The following PCDH15 variants were observed in gnomAD, a reference collection of about 807,000 sequenced individuals.
The protein encoded by PCDH15 is protocadherin related 15, also known as protocadherin-15.
PCDH15 carries 129 observed loss-of-function variants against 178.5 expected under a neutral mutation model. That is an observed-to-expected ratio of 0.72 (90% CI 0.63 to 0.84). The LOEUF is 0.84. Ranked by LOEUF, PCDH15 falls within the 40% of genes least tolerant of loss-of-function variation. The pLI is 0.00. For synonymous variants in PCDH15, 800 were observed against 732.0 expected, an observed-to-expected ratio of 1.09 and a Z score of -1.50; for missense variants, 2,230 against 2,099.9, an observed-to-expected ratio of 1.06 and a Z score of -1.21.
intron 2 of PCDH15, among the ~76,000 whole-genome samples, chr10:55,159,199 A>G (rs1166061539): frequency 6.6e-6 from 1 of 151,726 alleles, no homozygotes; most frequent in Admixed American, 6.6e-5. Context: ...ACCACTCATA[A>G]AAAAAATTAA....
chr10:54,600,010 G>A, intron 2 of PCDH15: 4 of 1,347,482 alleles, frequency 3.0e-6, no homozygotes, highest in African/African-American at 1.5e-5. Context: ...AAAGGAAGAG[G>A]CAAAGTCAAA....
intron 2 of PCDH15, among the ~76,000 whole-genome samples, chr10:54,557,536 T>C (rs2087462625): frequency 6.6e-6 from 1 of 152,188 alleles, no homozygotes; most frequent in South Asian, 2.1e-4. Flanking sequence ...TTTTCTCCTG[T>C]CTTTAAATCA....
chr10:54,253,127 G>C (rs2056628267), intron 8 of PCDH15, among the ~76,000 whole-genome samples: 1 of 151,990 alleles, frequency 6.6e-6, no homozygotes, highest in Admixed American at 6.6e-5. Flanking sequence ...ATTGAGGATT[G>C]GGTTTACTAG....
intron 3 of PCDH15, among the ~76,000 whole-genome samples, chr10:54,391,963 T>C (rs1332876974): frequency 3.9e-5 from 6 of 152,136 alleles, no homozygotes; most frequent in Non-Finnish European, 8.8e-5. Context: ...GCTTAAGTGA[T>C]TGGCTTAGGA....
intron 18 of PCDH15, among the ~76,000 whole-genome samples, chr10:54,065,089 G>T (rs891537847): frequency 6.6e-6 from 1 of 152,188 alleles, no homozygotes; most frequent in East Asian, 1.9e-4. Flanking sequence ...CCTTCTATCA[G>T]ATTATGCTGA....
At chr10:55,218,164 T>G (rs1332075048) in intron 1 of PCDH15, among the ~76,000 whole-genome samples, 1 of 151,914 alleles carries the variant, frequency 6.6e-6, no homozygotes, top group Non-Finnish European at 1.5e-5. Flanking sequence ...CATGAGAAAG[T>G]GAAAGCTCAG....
chr10:54,888,943 C>T (rs1564605767), intron 3 of PCDH15, among the ~76,000 whole-genome samples: 1 of 151,478 alleles, frequency 6.6e-6, no homozygotes, highest in Non-Finnish European at 1.5e-5. Flanking sequence ...TGTGAGAATA[C>T]AATTAGAAAT....
intron 2 of PCDH15, chr10:55,512,841 C>T (rs528414541): frequency 6.6e-6 from 1 of 152,176 alleles, no homozygotes; most frequent in African/African-American, 2.4e-5. Flanking sequence ...ATTTCTTCCT[C>T]CTCTACAGGA....
intron 3 of PCDH15, among the ~76,000 whole-genome samples, chr10:54,874,497 G>A (rs185722037): frequency 4.0e-3 from 606 of 152,078 alleles, no homozygotes; most frequent in Middle Eastern, 6.8e-3. Context: ...GGACATAGGC[G>A]TGGGCAAGGA....
chr10:53,936,166 A>C (rs2085554571), intron 25 of PCDH15, among the ~76,000 whole-genome samples: 1 of 152,186 alleles, frequency 6.6e-6, no homozygotes. Flanking sequence ...TGAATAAAAG[A>C]GCGTAGTGGT....
intron 18 of PCDH15, among the ~76,000 whole-genome samples, chr10:54,041,487 A>C (rs2093543155): frequency 6.6e-6 from 1 of 152,096 alleles, no homozygotes; most frequent in Non-Finnish European, 1.5e-5. Context: ...AAAAGTAGAT[A>C]TTAAAAAATA....
intron 26 of PCDH15, among the ~76,000 whole-genome samples, chr10:53,875,810 C>T (rs1784359431): frequency 6.6e-6 from 1 of 152,156 alleles, no homozygotes; most frequent in Non-Finnish European, 1.5e-5. Context: ...ATAATTGCCT[C>T]TATCATACAG....
chr10:54,707,104 C>T (rs778289448), intron 1 of PCDH15, among the ~76,000 whole-genome samples: 4 of 152,102 alleles, frequency 2.6e-5, no homozygotes, highest in Non-Finnish European at 5.9e-5. Context: ...AGAGGCTGAC[C>T]TCTATAGGTA....
intron 30 of PCDH15, among the ~76,000 whole-genome samples, chr10:53,830,918 G>A (rs896882040): frequency 1.2e-4 from 19 of 152,100 alleles, no homozygotes; most frequent in East Asian, 1.9e-4. Context: ...TGACAATGTC[G>A]CGAAGTTATT....
At chr10:53,808,437 A>T (rs954419019) in intron 37 of PCDH15, 3 of 1,225,858 alleles carry the variant, frequency 2.4e-6, no homozygotes, top group Admixed American at 7.8e-5. Context: ...TAAATATTAA[A>T]TATTGATTAG....
chr10:55,422,809 T>C (rs932567839), intron 2 of PCDH15, among the ~76,000 whole-genome samples: 1 of 151,814 alleles, frequency 6.6e-6, no homozygotes, highest in African/African-American at 2.4e-5. Flanking sequence ...CCAATACCTA[T>C]AAAAGGTAGA....
chr10:54,196,205 T>G (rs1591098890), intron 10 of PCDH15, among the ~76,000 whole-genome samples: 1 of 151,956 alleles, frequency 6.6e-6, no homozygotes, highest in Non-Finnish European at 1.5e-5. Context: ...TGCAGTGGAG[T>G]GAACTCGGCT....
In PCDH15 at chr10:55,221,878, T is replaced by C. The variant is rs56105329; in HGVS notation, c.-155-55227A>G. ...TTTATTTATTTTTATCATTATTTTT[T>C]TTTTTTGAAATGGAGTCTCACTCTG... is the stretch of plus-strand genomic sequence containing the variant. On this transcript the variant is annotated intron_variant, in intron 1 of 5. Transcript: ENST00000458638. Among the ~76,000 whole-genome samples, 563 of 151,690 alleles carry C rather than the reference T, an allele frequency of 3.7e-3. 3 individuals carry two copies. The highest frequency in any genetic ancestry group is 0.013 in the African/African-American group (546 of 41,362).
At chr10:53,948,990 T>C (rs1325204609) in intron 23 of PCDH15, among the ~76,000 whole-genome samples, 1 of 152,182 alleles carries the variant, frequency 6.6e-6, no homozygotes, top group East Asian at 1.9e-4. Flanking sequence ...ATGGGACGTA[T>C]AAAATCACTC....
Sources: gnomAD v4.1 joint callset for allele counts (sites outside exome capture counted in the v4.1 genomes callset) on GRCh38, gnomAD v4.1.1 for gene constraint, MANE v1.5 for transcripts, NCBI Gene and HGNC (gene_info 2026-07-23, HGNC 2026-07-21) for gene names.